PDILT: variants seen among roughly 807,000 people sequenced by gnomAD.
PDILT encodes the protein protein disulfide-isomerase-like protein of the testis.
A neutral mutation model predicts 53.7 loss-of-function variants in PDILT; 43 were observed. The observed-to-expected ratio is 0.80, with a 90% CI of 0.63 to 1.03. The LOEUF (loss-of-function observed/expected upper bound fraction) is 1.03. Among genes scored for constraint, PDILT ranks in the 50% least tolerant of loss-of-function variants. The probability of loss-of-function intolerance (pLI) is 0.00; values close to 1 mark genes in which losing one functional copy is unlikely to be tolerated. For synonymous variants in PDILT, 282 were observed against 274.2 expected, an observed-to-expected ratio of 1.03 and a Z score of -0.28; for missense variants, 727 against 712.3, an observed-to-expected ratio of 1.02 and a Z score of -0.24.
chr16:20,390,123 C>T (rs1966590533), intron 2 of PDILT, among the ~76,000 whole-genome samples: 2 of 152,154 alleles, frequency 1.3e-5, no homozygotes, highest in Admixed American at 1.3e-4. Context: ...ACCCTCTGCC[C>T]ATTCCATAGG....
rs147063684 is a variant in PDILT at position 20,369,507 on chromosome 16, C to T, written c.1101G>A (p.Leu367=). The stretch of plus-strand genomic sequence containing the variant: ...AAAAACCTACTGTGGCATTTTTACT[C>T]AGGAAGCTGCGGCCAAATTTCTTGA... ...ESLKKFGRSF[L]SKNATKHQSS... The change falls in exon 8 of 12, where the codon CTG becomes CTA. Residue 367 remains leucine, a synonymous_variant. Transcript: ENST00000302451. 48 of 1,613,970 alleles carry T rather than the reference C, an allele frequency of 3.0e-5. No homozygotes were observed. Among genetic ancestry groups the T allele is most frequent in the African/African-American group, 1.3e-5 (1 of 74,934 alleles).
intron 7 of PDILT, 23 bp downstream of exon 7, chr16:20,372,779 G>T: frequency 1.2e-6 from 2 of 1,609,516 alleles, no homozygotes; most frequent in South Asian, 1.1e-5. Flanking sequence ...GAGTCCCAGA[G>T]AGCAATGGTG....
intron 9 of PDILT, among the ~76,000 whole-genome samples, chr16:20,363,099 A>G (rs1435894023): frequency 6.6e-6 from 1 of 150,828 alleles, no homozygotes; most frequent in African/African-American, 2.4e-5. Context: ...AAAGGAAGAA[A>G]GAAAGAAAAA....
intron 2 of PDILT, among the ~76,000 whole-genome samples, chr16:20,394,378 C>A (rs995320216): frequency 3.3e-5 from 5 of 152,106 alleles, no homozygotes; most frequent in African/African-American, 1.2e-4. Context: ...GCTTTTATAG[C>A]AAAAAGCAGG....
intron 1 of PDILT, among the ~76,000 whole-genome samples, chr16:20,404,061 A>G (rs1438318242): frequency 1.3e-5 from 2 of 152,128 alleles, no homozygotes; most frequent in Non-Finnish European, 2.9e-5. Context: ...TGTTGTTGTC[A>G]TTTTGAACTT....
intron 8 of PDILT, among the ~76,000 whole-genome samples, chr16:20,366,391 G>A (rs1291762479): frequency 6.6e-6 from 1 of 152,114 alleles, no homozygotes; most frequent in African/African-American, 2.4e-5. Flanking sequence ...TGACCCAAGG[G>A]AGGACTTCCT....
chr16:20,397,051 C>G (rs562411387), intron 2 of PDILT, among the ~76,000 whole-genome samples: 1 of 152,204 alleles, frequency 6.6e-6, no homozygotes, highest in Non-Finnish European at 1.5e-5. Flanking sequence ...GTTCTTATTA[C>G]GCATCAGTCA....
chr16:20,387,416 C>T (rs1966553370), intron 2 of PDILT, among the ~76,000 whole-genome samples: 1 of 151,992 alleles, frequency 6.6e-6, no homozygotes, highest in Non-Finnish European at 1.5e-5. Flanking sequence ...ATGCAAAGGC[C>T]CTGAGGTGGG....
At chr16:20,364,463 C>G (rs1195654878) in intron 9 of PDILT, among the ~76,000 whole-genome samples, 1 of 152,220 alleles carries the variant, frequency 6.6e-6, no homozygotes, top group Non-Finnish European at 1.5e-5. Context: ...GATCATTAAC[C>G]TCTCTGAGAT....
At chr16:20,368,486 G>C (rs76932528) in intron 8 of PDILT, among the ~76,000 whole-genome samples, 1 of 152,242 alleles carries the variant, frequency 6.6e-6, no homozygotes, top group East Asian at 1.9e-4. Context: ...AAAGGCTATA[G>C]GGGCAGCTGT....
At chr16:20,393,551 T>C (rs1966629873) in intron 2 of PDILT, among the ~76,000 whole-genome samples, 1 of 152,170 alleles carries the variant, frequency 6.6e-6, no homozygotes, top group Non-Finnish European at 1.5e-5. Context: ...AGTGGCAGCA[T>C]AACCTAGCAG....
intron 1 of PDILT, among the ~76,000 whole-genome samples, chr16:20,401,172 G>T (rs948857656): frequency 5.9e-5 from 9 of 152,282 alleles, no homozygotes; most frequent in Middle Eastern, 3.4e-3. Flanking sequence ...CAGCCAAAGG[G>T]CTCATTACTG....
intron 3 of PDILT, among the ~76,000 whole-genome samples, chr16:20,380,831 T>C (rs1313168012): frequency 6.6e-6 from 1 of 152,220 alleles, no homozygotes; most frequent in Non-Finnish European, 1.5e-5. Flanking sequence ...AACTTGATCT[T>C]GGGCCATCTT....
intron 9 of PDILT, 46 bp from the exon 10 acceptor site, chr16:20,362,628 A>T (rs371471998): frequency 8.9e-5 from 142 of 1,598,660 alleles, no homozygotes; most frequent in Non-Finnish European, 1.2e-4. Context: ...ATGAAGATCC[A>T]GAAAGCTGGC....
intron 7 of PDILT, among the ~76,000 whole-genome samples, chr16:20,369,998 T>C (rs1236175989): frequency 6.6e-6 from 1 of 152,212 alleles, no homozygotes; most frequent in Non-Finnish European, 1.5e-5. Context: ...GTGACTATCA[T>C]AGGGTTGCTG....
intron 2 of PDILT, among the ~76,000 whole-genome samples, chr16:20,386,263 GC>G (rs1966536222): frequency 6.6e-6 from 1 of 152,120 alleles, no homozygotes; most frequent in Non-Finnish European, 1.5e-5. Context: ...GGACTAAAAG[GC>G]GCCCAAGTGT....
chr16:20,403,590 G>C (rs1966774072), intron 1 of PDILT, among the ~76,000 whole-genome samples: 2 of 152,070 alleles, frequency 1.3e-5, no homozygotes, highest in Admixed American at 6.5e-5. Flanking sequence ...GTGCCCAGCA[G>C]AGATTTCCTT....
intron 2 of PDILT, among the ~76,000 whole-genome samples, chr16:20,387,835 G>A (rs1227410182): frequency 6.6e-6 from 1 of 152,056 alleles, no homozygotes; most frequent in East Asian, 1.9e-4. Context: ...TGGCCAGGCT[G>A]GTCTTGAACT....
chr16:20,399,793 C>T (rs184793473), intron 1 of PDILT, among the ~76,000 whole-genome samples: 3 of 151,168 alleles, frequency 2.0e-5, no homozygotes, highest in Non-Finnish European at 4.4e-5. Context: ...GCAGTGTACC[C>T]TGTTTAATTT....
Sources: allele counts gnomAD v4.1 joint callset (sites outside exome capture counted in the v4.1 genomes callset), GRCh38; gene constraint gnomAD v4.1.1; transcripts MANE v1.5; gene names NCBI Gene and HGNC (gene_info 2026-07-23, HGNC 2026-07-21).